The following ASAP3 variants were observed in gnomAD, a reference collection of about 807,000 sequenced individuals.
ASAP3 encodes ArfGAP with SH3 domain, ankyrin repeat and PH domain 3, also known as arf-GAP with SH3 domain, ANK repeat and PH domain-containing protein 3.
Under a neutral mutation model 118.2 loss-of-function variants are expected in ASAP3, and 85 were observed. That is an observed-to-expected ratio of 0.72 (90% CI 0.60 to 0.86). The LOEUF is 0.86. Among genes scored for constraint, ASAP3 ranks in the 40% least tolerant of loss-of-function variants. The pLI is 0.00. For synonymous variants in ASAP3, 432 were observed against 477.4 expected, an observed-to-expected ratio of 0.90 and a Z score of 1.24; for missense variants, 1,026 against 1,175.0, an observed-to-expected ratio of 0.87 and a Z score of 1.85.
chr1:23,439,327 A>C, intron 10 of ASAP3, 97 bp from the exon 11 acceptor site: 3 of 1,087,294 alleles, frequency 2.8e-6, no homozygotes, highest in Non-Finnish European at 4.1e-6. Flanking sequence ...TATGATCTCT[A>C]GCCACATCCC....
chr1:23,473,243 G>A (rs1026861119), intron 1 of ASAP3, among the ~76,000 whole-genome samples: 5 of 152,164 alleles, frequency 3.3e-5, no homozygotes, highest in African/African-American at 9.7e-5. Flanking sequence ...CCCAGGCCTC[G>A]CCCCTGGGAG....
At chr1:23,471,803 C>A (rs577750224) in intron 1 of ASAP3, among the ~76,000 whole-genome samples, 2 of 152,334 alleles carry the variant, frequency 1.3e-5, no homozygotes, top group African/African-American at 4.8e-5. Flanking sequence ...GGTAGCTATT[C>A]CTGCCCAGCA....
intron 1 of ASAP3, among the ~76,000 whole-genome samples, chr1:23,477,218 C>T (rs1194049961): frequency 2.0e-5 from 3 of 151,294 alleles, no homozygotes; most frequent in African/African-American, 4.9e-5. Flanking sequence ...GGTTTCGCCA[C>T]GTTGGCCAGG....
chr1:23,471,166 T>C (rs1360541751), intron 1 of ASAP3, among the ~76,000 whole-genome samples: 4 of 152,198 alleles, frequency 2.6e-5, no homozygotes, highest in Admixed American at 6.5e-5. Context: ...TCTTGGCAAT[T>C]TCCTAAATAT....
intron 1 of ASAP3, among the ~76,000 whole-genome samples, chr1:23,459,049 A>G (rs572930290): frequency 1.5e-4 from 23 of 152,076 alleles, no homozygotes; most frequent in African/African-American, 5.5e-4. Context: ...GCACACCTGT[A>G]ATCCCAGCTA....
chr1:23,478,539 T>C (rs1192532762), intron 1 of ASAP3, among the ~76,000 whole-genome samples: 1 of 151,602 alleles, frequency 6.6e-6, no homozygotes, highest in Non-Finnish European at 1.5e-5. Flanking sequence ...GGCGGGTGGA[T>C]CACGAGGTCA....
Position 23,428,800 on chromosome 1 carries a change from C to T in ASAP3, c.*1056G>A, listed in dbSNP as rs76254456. ...CCAGGGCCCAGCACCCAGCAACTGG[C>T]AAGTTGAGATGTTAGTGGTTGATGA... On this transcript the variant is annotated 3_prime_UTR_variant, in exon 25 of 25. Coordinates refer to ENST00000336689, the MANE Select transcript of ASAP3 (RefSeq NM_017707.4). 1,224 of 154,684 alleles carry T rather than the reference C, an allele frequency of 7.9e-3. 23 individuals are homozygous for T. Among genetic ancestry groups the T allele is most frequent in the African/African-American group, 0.027 (1,110 of 41,618 alleles). 9.6% of individuals were successfully genotyped at this position (154,684 alleles called of 1,614,324 possible). A position where few individuals can be genotyped will look rare whatever the true frequency, so the allele number is the denominator to read the frequency against.
intron 5 of ASAP3, among the ~76,000 whole-genome samples, chr1:23,448,521 G>A (rs898648645): frequency 1.3e-5 from 2 of 151,884 alleles, no homozygotes; most frequent in Non-Finnish European, 2.9e-5. Context: ...CAAATTTCCT[G>A]GCCTTAAGCA....
upstream of ASAP3, chr1:23,484,379 G>T: frequency 3.3e-6 from 1 of 306,610 alleles, no homozygotes; most frequent in Non-Finnish European, 5.6e-6. Context: ...CCCGCACCGC[G>T]TCAGGCCGCT....
At chr1:23,482,836 CAGCTACTCGGG>C (rs1642352685) in intron 1 of ASAP3, among the ~76,000 whole-genome samples, 3 of 152,050 alleles carry the variant, frequency 2.0e-5, no homozygotes, top group Admixed American at 1.3e-4. Context: ...CCTGTAGTCC[CAGCTACTCGGG>C]AGGCTGAGGC....
At position 23,433,068 on chromosome 1, in the gene ASAP3, CA is replaced by C. The variant is rs759772272; in HGVS notation, c.2323+8del. ...CATGGTGAGCATTTATCTGGGCATC[CA>C]ACTGTACCTCCACTGGCATGTCTTG... On this transcript the variant is annotated splice_region_variant and intron_variant, in intron 22 of 24. Transcript: ENST00000336689. 3.7e-6 allele frequency: 6 copies of C among 1,612,958 alleles called. No homozygotes were observed. The highest frequency in any genetic ancestry group is 5.1e-6 in the Non-Finnish European group (6 of 1,179,742).
intron 1 of ASAP3, among the ~76,000 whole-genome samples, chr1:23,461,094 G>A (rs1430128185): frequency 6.6e-6 from 1 of 152,106 alleles, no homozygotes; most frequent in Non-Finnish European, 1.5e-5. Context: ...GGGTTTTTAG[G>A]GCAGGGAAAC....
chr1:23,429,999 G>T, intron 24 of ASAP3, 69 bp from the exon 25 acceptor site: 1 of 1,264,124 alleles, frequency 7.9e-7, no homozygotes, highest in Non-Finnish European at 1.1e-6. Context: ...ATCTCACTCA[G>T]TTTCACATCT....
At chr1:23,461,897 T>C (rs1411786002) in intron 1 of ASAP3, among the ~76,000 whole-genome samples, 2 of 152,224 alleles carry the variant, frequency 1.3e-5, no homozygotes, top group Admixed American at 1.3e-4. Flanking sequence ...TGTGGAATTC[T>C]TTAATATGAA....
Position 23,433,411 on chromosome 1 carries a change from G to A in ASAP3, c.2127+14C>T. On this transcript the variant is annotated intron_variant, in intron 21 of 24. Transcript: ENST00000336689. ...CTGCCATCCAGAGGCCTGAGGGACA[G>A]GGCTGGGACCCACCTTCTCTTCCTC... 6.2e-7 allele frequency: 1 copy of A among 1,614,144 alleles called. No individual in the cohort carries two copies. Among genetic ancestry groups the A allele is most frequent in the Non-Finnish European group, 8.5e-7 (1 of 1,180,042 alleles).
At chr1:23,433,372 C>G in intron 21 of ASAP3, 53 bp downstream of exon 21, 1 of 1,613,720 alleles carries the variant, frequency 6.2e-7, no homozygotes, top group Non-Finnish European at 8.5e-7. Context: ...CAGGCCCAAT[C>G]TGGCTCTTTC....
intron 1 of ASAP3, among the ~76,000 whole-genome samples, chr1:23,468,870 C>CAAAA (rs1172330542): frequency 6.3e-5 from 3 of 47,352 alleles, no homozygotes; most frequent in Non-Finnish European, 7.8e-5. Context: ...GACTCCATCT[C>CAAAA]AAAAAAAAAA....
chr1:23,438,983 G>T lies in ASAP3; in HGVS notation c.1015-149C>A. 1 of 1,067,814 alleles carries T rather than the reference G, an allele frequency of 9.4e-7. No homozygotes were observed. The highest frequency in any genetic ancestry group is 1.4e-6 in the Non-Finnish European group (1 of 723,832). 66.1% of individuals were successfully genotyped at this position (1,067,814 alleles called of 1,614,324 possible). A position where few individuals can be genotyped will look rare whatever the true frequency, so the allele number is the denominator to read the frequency against. On this transcript the variant is annotated intron_variant, in intron 11 of 24. Transcript: ENST00000336689. The surrounding 1 kb of genome is among the most constrained non-coding windows in gnomAD (Gnocchi z 4.9). The stretch of plus-strand genomic sequence containing the variant: ...CAGCAGCACCTCAAGGATGTGAAGT[G>T]TAGACTAAGACTAGATTGGGGCCTT...
rs181709862 is a variant in ASAP3 at position 23,431,982 on chromosome 1, A to T, written c.2324-64T>A. On this transcript the variant is annotated intron_variant, in intron 22 of 24. Coordinates refer to ENST00000336689, the MANE Select transcript of ASAP3 (RefSeq NM_017707.4). ...TATCACTTGCTCTGTGCCCAACCTC[A>T]AAGCAGTCTCTGGCCTCTAGGATTT... is the stretch of plus-strand genomic sequence containing the variant. The T allele has an allele frequency of 9.1e-6, 13 of 1,435,518 alleles. No homozygotes were observed. In the African/African-American group the frequency reaches 1.9e-4, roughly 20 times the overall value. The allele number at this position is 1,435,518 out of a possible 1,614,324, so 88.9% of individuals were successfully genotyped here. A position where few individuals can be genotyped will look rare whatever the true frequency, so the allele number is the denominator to read the frequency against.
Sources: allele counts gnomAD v4.1 joint callset (sites outside exome capture counted in the v4.1 genomes callset), GRCh38; gene constraint gnomAD v4.1.1; non-coding constraint Gnocchi (gnomAD v3.1); transcripts MANE v1.5; gene names NCBI Gene and HGNC (gene_info 2026-07-23, HGNC 2026-07-21).